The following C1orf146 variants were observed in gnomAD, a reference collection of about 807,000 sequenced individuals.
C1orf146 encodes protein SPO16 homolog.
C1orf146 carries 22 observed loss-of-function variants against 23.0 expected under a neutral mutation model. That is an observed-to-expected ratio of 0.96 (90% CI 0.68 to 1.36). The LOEUF is 1.36. Among genes scored for constraint, C1orf146 ranks in the 40% most tolerant of loss-of-function variants. C1orf146 has a pLI of 0.00. For synonymous variants in C1orf146, 59 were observed against 65.3 expected, an observed-to-expected ratio of 0.90 and a Z score of 0.47; for missense variants, 199 against 206.8, an observed-to-expected ratio of 0.96 and a Z score of 0.23.
chr1:92,225,866 T>C (rs1056434733), intron 1 of C1orf146, among the ~76,000 whole-genome samples: 7 of 152,182 alleles, frequency 4.6e-5, no homozygotes, highest in African/African-American at 1.7e-4. Context: ...TTGCATGATA[T>C]ATCTTTTTCC....
Position 92,239,669 on chromosome 1 carries a change from TTGAATC to T in C1orf146, c.67-2540_67-2535del, listed in dbSNP as rs200547494. Among the ~76,000 whole-genome samples the T allele has an allele frequency of 7.1e-3, 1,081 of 151,942 alleles. 14 individuals carry two copies. The highest frequency in any genetic ancestry group is 0.025 in the African/African-American group (1,039 of 41,308). ...TGGGAGGCTGAGGCAGGAGAATCAT[TTGAATC>T]TGGGAGGCAGAGGTTGCAGTGTCCA... On this transcript the variant is annotated intron_variant, in intron 2 of 5. Coordinates refer to ENST00000370375, the MANE Select transcript of C1orf146 (RefSeq NM_001012425.2).
intron 1 of C1orf146, among the ~76,000 whole-genome samples, chr1:92,230,521 C>G (rs1035950044): frequency 2.0e-5 from 3 of 151,442 alleles, no homozygotes; most frequent in Middle Eastern, 3.4e-3. Flanking sequence ...GAGGCTGAGG[C>G]AGGAGAATGG....
At chr1:92,241,037 G>A in intron 2 of C1orf146, 1 of 376,828 alleles carries the variant, frequency 2.7e-6, no homozygotes, top group South Asian at 2.1e-5. Context: ...TAACTGTAAT[G>A]TAAACTGATG....
At chr1:92,233,649 A>G (rs954153921) in intron 2 of C1orf146, among the ~76,000 whole-genome samples, 7 of 152,172 alleles carry the variant, frequency 4.6e-5, no homozygotes, top group Non-Finnish European at 7.3e-5. Context: ...CTGTGAAGAA[A>G]GTCATTGGTA....
chr1:92,227,520 C>T (rs370534028), intron 1 of C1orf146, among the ~76,000 whole-genome samples: 1 of 152,100 alleles, frequency 6.6e-6, no homozygotes, highest in South Asian at 2.1e-4. Context: ...GCCTGGGTGA[C>T]AGAGCGAGAC....
chr1:92,238,780 A>G (rs1478804256), intron 2 of C1orf146, among the ~76,000 whole-genome samples: 2 of 152,182 alleles, frequency 1.3e-5, no homozygotes, highest in Non-Finnish European at 2.9e-5. Context: ...CACACTCACC[A>G]TATAAGAACC....
At chr1:92,220,057 A>G (rs1191904744) in intron 1 of C1orf146, among the ~76,000 whole-genome samples, 1 of 152,070 alleles carries the variant, frequency 6.6e-6, no homozygotes, top group Non-Finnish European at 1.5e-5. Flanking sequence ...TGCCCCATCA[A>G]TGCCATCTGT....
intron 1 of C1orf146, among the ~76,000 whole-genome samples, chr1:92,222,535 G>GTTTT: frequency 2.1e-4 from 13 of 60,580 alleles, no homozygotes; most frequent in Admixed American, 5.5e-4. Context: ...CCCTTCTTCG[G>GTTTT]TTTTTTTTTT....
chr1:92,243,806 A>AT (rs1652492314), intron 3 of C1orf146, among the ~76,000 whole-genome samples: 1 of 152,182 alleles, frequency 6.6e-6, no homozygotes, highest in South Asian at 2.1e-4. Flanking sequence ...AGCCCTACAC[A>AT]TATCTTCATC....
intron 2 of C1orf146, among the ~76,000 whole-genome samples, chr1:92,231,986 C>T (rs1188687959): frequency 3.3e-5 from 5 of 152,128 alleles, no homozygotes; most frequent in South Asian, 2.1e-4. Flanking sequence ...ATTTATCTTA[C>T]GGACACCAGC....
intron 2 of C1orf146, among the ~76,000 whole-genome samples, chr1:92,241,187 CTTA>C (rs146597980): frequency 0.39 from 54,867 of 142,372 alleles, 11,408 homozygotes; most frequent in East Asian, 0.77. Flanking sequence ...CTCCAAGTTG[CTTA>C]TTATTATTAT....
chr1:92,233,867 T>A (rs373673354), intron 2 of C1orf146, among the ~76,000 whole-genome samples: 2 of 152,322 alleles, frequency 1.3e-5, no homozygotes, highest in South Asian at 2.1e-4. Flanking sequence ...ATTCTCTTTG[T>A]AGCAATTGTG....
intron 2 of C1orf146, among the ~76,000 whole-genome samples, chr1:92,234,633 G>T (rs1420089002): frequency 6.6e-6 from 1 of 152,240 alleles, no homozygotes; most frequent in African/African-American, 2.4e-5. Flanking sequence ...CATAAAATGA[G>T]TTAGGGAGGA....
intron 3 of C1orf146, among the ~76,000 whole-genome samples, chr1:92,243,497 C>T (rs1231734612): frequency 6.6e-6 from 1 of 152,106 alleles, no homozygotes; most frequent in Non-Finnish European, 1.5e-5. Flanking sequence ...CAGGCACATA[C>T]CACCACACCC....
At position 92,219,496 on chromosome 1, in the gene C1orf146, CTTTT is replaced by C. The variant is rs71091269; in HGVS notation, c.-40+1470_-40+1473del. The stretch of plus-strand genomic sequence containing the variant: ...CATCACTGAAAGTGACTTTCTCTTT[CTTTT>C]TTTTTTTTTTTTTTTTTTTTTAAGA... On this transcript the variant is annotated intron_variant, in intron 1 of 5. Coordinates refer to ENST00000370375, the MANE Select transcript of C1orf146 (RefSeq NM_001012425.2). 3.1e-3 allele frequency among the ~76,000 whole-genome samples: 252 copies of C among 81,174 alleles called. 2 individuals are homozygous for C. The highest frequency in any genetic ancestry group is 8.4e-3 in the African/African-American group (168 of 19,954). The allele number at this position is 81,174 out of a possible 152,430, so 53.3% of individuals were successfully genotyped here.
chr1:92,223,614 C>A (rs1651890309), intron 1 of C1orf146, among the ~76,000 whole-genome samples: 1 of 151,914 alleles, frequency 6.6e-6, no homozygotes, highest in Non-Finnish European at 1.5e-5. Context: ...CTCACTGCAA[C>A]CTCTGCCTTC....
intron 4 of C1orf146, 137 bp from the exon 5 acceptor site, chr1:92,244,642 A>T (rs1205832509): frequency 1.5e-6 from 1 of 655,046 alleles, no homozygotes; most frequent in Non-Finnish European, 2.6e-6. Flanking sequence ...AGCCATCTCA[A>T]ATCCTCTGTG....
At chr1:92,237,267 T>C (rs1279119010) in intron 2 of C1orf146, among the ~76,000 whole-genome samples, 2 of 152,180 alleles carry the variant, frequency 1.3e-5, no homozygotes, top group African/African-American at 2.4e-5. Context: ...ATGATGGTGA[T>C]GTACAGATGG....
intron 1 of C1orf146, among the ~76,000 whole-genome samples, chr1:92,222,012 TG>T (rs1351245410): frequency 2.3e-4 from 35 of 152,096 alleles, no homozygotes; most frequent in African/African-American, 8.0e-4. Context: ...GAGTCTAAGG[TG>T]GGCAGATCAC....
Sources: gnomAD v4.1 joint callset for allele counts (sites outside exome capture counted in the v4.1 genomes callset) on GRCh38, gnomAD v4.1.1 for gene constraint, MANE v1.5 for transcripts, NCBI Gene and HGNC (gene_info 2026-07-23, HGNC 2026-07-21) for gene names.